SPATA16: variants seen among roughly 807,000 people sequenced by gnomAD.
SPATA16 encodes the protein spermatogenesis-associated protein 16.
In SPATA16, 36 loss-of-function variants were observed where a neutral mutation model predicts 63.3. The ratio of observed to expected loss-of-function variants is 0.57; its 90% CI spans 0.44 to 0.75. The LOEUF (loss-of-function observed/expected upper bound fraction) is 0.75. Among genes scored for constraint, SPATA16 ranks in the 30% least tolerant of loss-of-function variants. The pLI is 0.00. For synonymous variants in SPATA16, 203 were observed against 216.7 expected, an observed-to-expected ratio of 0.94 and a Z score of 0.56; for missense variants, 646 against 679.3, an observed-to-expected ratio of 0.95 and a Z score of 0.54.
intron 3 of SPATA16, among the ~76,000 whole-genome samples, chr3:173,027,997 CCCTCCCTCCCTCCCTCCCTTCCTTCTTT>C (rs1389085774): frequency 1.3e-4 from 8 of 62,966 alleles, no homozygotes; most frequent in African/African-American, 5.8e-4. Context: ...CTCCCTCCCT[CCCTCCCTCCCTCCCTCCCTTCCTTCTTT>C]CCTTCCTTCC....
At chr3:173,015,994 A>G (rs1735178354) in intron 4 of SPATA16, among the ~76,000 whole-genome samples, 1 of 152,112 alleles carries the variant, frequency 6.6e-6, no homozygotes, top group Non-Finnish European at 1.5e-5. Context: ...GATGTTAAAA[A>G]GCTTTGCAAC....
chr3:173,073,136 A>G (rs1366288514), intron 2 of SPATA16, among the ~76,000 whole-genome samples: 1 of 152,254 alleles, frequency 6.6e-6, no homozygotes, highest in African/African-American at 2.4e-5. Context: ...ATTTCTAAGC[A>G]GCAAAGCATT....
At chr3:173,125,399 T>C (rs1240506164) in intron 1 of SPATA16, among the ~76,000 whole-genome samples, 1 of 152,188 alleles carries the variant, frequency 6.6e-6, no homozygotes, top group East Asian at 1.9e-4. Flanking sequence ...ACCTCATTCT[T>C]ACTAAAGACC....
intron 10 of SPATA16, among the ~76,000 whole-genome samples, chr3:172,904,895 A>T (rs986110317): frequency 3.9e-5 from 6 of 152,108 alleles, no homozygotes; most frequent in African/African-American, 1.4e-4. Flanking sequence ...GAACACAATC[A>T]CGAGGCTCTG....
intron 6 of SPATA16, among the ~76,000 whole-genome samples, chr3:172,950,693 C>A (rs954045048): frequency 1.3e-5 from 2 of 151,926 alleles, no homozygotes; most frequent in African/African-American, 4.8e-5. Flanking sequence ...TGAACAAGAA[C>A]AAGGTTATAA....
At chr3:173,021,362 T>A (rs1002253278) in intron 3 of SPATA16, among the ~76,000 whole-genome samples, 2 of 152,228 alleles carry the variant, frequency 1.3e-5, no homozygotes, top group African/African-American at 4.8e-5. Flanking sequence ...TAGACGGGTC[T>A]GAGTTAATGA....
intron 3 of SPATA16, among the ~76,000 whole-genome samples, chr3:173,033,353 A>G (rs1735646585): frequency 1.3e-5 from 2 of 152,128 alleles, no homozygotes; most frequent in South Asian, 4.2e-4. Flanking sequence ...GCTGTTAGTA[A>G]ATCACTTGGT....
rs66806016 is a variant in SPATA16 at position 172,959,787 on chromosome 3, C to CATATATATATATAT, written c.934-2977_934-2964dup. ...GTTGTAAAGAAATAGAGTAATATAA[C>CATATATATATATAT]ATATATATATATATATATATATATA... On this transcript the variant is annotated intron_variant, in intron 5 of 10. Transcript: ENST00000351008. 3.3e-3 allele frequency among the ~76,000 whole-genome samples: 450 copies of CATATATATATATAT among 135,408 alleles called. 5 individuals carry two copies. Among genetic ancestry groups the CATATATATATATAT allele is most frequent in the African/African-American group, 9.5e-3 (327 of 34,242 alleles). The allele number at this position is 135,408 out of a possible 152,430, so 88.8% of individuals were successfully genotyped here. A position where few individuals can be genotyped will look rare whatever the true frequency, so the allele number is the denominator to read the frequency against.
intron 4 of SPATA16, among the ~76,000 whole-genome samples, chr3:172,987,734 T>C (rs1360591987): frequency 6.6e-6 from 1 of 152,142 alleles, no homozygotes; most frequent in Non-Finnish European, 1.5e-5. Context: ...GGAGCCAATA[T>C]AAAATGTAAA....
chr3:172,939,792 T>C (rs1733102826), intron 6 of SPATA16, among the ~76,000 whole-genome samples: 1 of 152,130 alleles, frequency 6.6e-6, no homozygotes, highest in South Asian at 2.1e-4. Flanking sequence ...GAGTATATGC[T>C]AATGAGGTGA....
intron 4 of SPATA16, among the ~76,000 whole-genome samples, chr3:172,982,669 GAC>G (rs1336306651): frequency 6.6e-6 from 1 of 152,076 alleles, no homozygotes; most frequent in East Asian, 1.9e-4. Flanking sequence ...AAAATAATGT[GAC>G]ATGTTATTAT....
chr3:173,059,537 A>AT (rs1278975240), intron 2 of SPATA16, among the ~76,000 whole-genome samples: 1 of 151,554 alleles, frequency 6.6e-6, no homozygotes, highest in Non-Finnish European at 1.5e-5. Context: ...CACAGCTTTT[A>AT]TTTCCAGCTT....
At chr3:172,916,249 C>A (rs529818838) in intron 9 of SPATA16, 68 bp downstream of exon 9, 1,351 of 1,203,592 alleles carry the variant, frequency 1.1e-3, no homozygotes, top group Middle Eastern at 1.3e-3. Flanking sequence ...TTTTTTTTTT[C>A]CCCAGACCAT....
rs1400381032 is a variant in SPATA16, at chr3:173,137,872, CAG to C, written c.-19+3229_-19+3230del. Among the ~76,000 whole-genome samples the C allele has an allele frequency of 2.7e-3, 388 of 143,824 alleles. 2 individuals are homozygous for C. Among genetic ancestry groups the C allele is most frequent in the Non-Finnish European group, 4.3e-3 (276 of 64,226 alleles). The allele number at this position is 143,824 out of a possible 152,430, so 94.4% of individuals were successfully genotyped here. ...ACACACACACACACACACACACACA[CAG>C]ACACACACACGTCTCCCTAAAGAAG... On this transcript the variant is annotated intron_variant, in intron 1 of 10. Coordinates refer to ENST00000351008, the MANE Select transcript of SPATA16 (RefSeq NM_031955.6).
intron 4 of SPATA16, among the ~76,000 whole-genome samples, chr3:173,004,262 G>A (rs553593651): frequency 1.1e-4 from 16 of 152,226 alleles, no homozygotes; most frequent in Middle Eastern, 3.4e-3. Context: ...TGAAGGAAAG[G>A]AAAGAAGGGG....
intron 4 of SPATA16, among the ~76,000 whole-genome samples, chr3:172,977,443 C>G (rs969768127): frequency 1.3e-5 from 2 of 152,058 alleles, no homozygotes; most frequent in Non-Finnish European, 2.9e-5. Flanking sequence ...ATATAGCTAA[C>G]TATTAGATTG....
At chr3:172,925,297 C>T in intron 7 of SPATA16, 49 bp downstream of exon 7, 1 of 1,609,898 alleles carries the variant, frequency 6.2e-7, no homozygotes, top group Non-Finnish European at 8.5e-7. Context: ...GGGCCCAAAA[C>T]TCATCACAGG....
At chr3:173,104,441 T>C (rs1484642388) in intron 2 of SPATA16, among the ~76,000 whole-genome samples, 1 of 152,196 alleles carries the variant, frequency 6.6e-6, no homozygotes, top group East Asian at 1.9e-4. Context: ...TGGCTTACAG[T>C]TCTACAGGAT....
intron 10 of SPATA16, among the ~76,000 whole-genome samples, chr3:172,893,693 GTTGGTGCCCCCTGGCACAGGC>G (rs1481214516): frequency 3.3e-5 from 5 of 152,118 alleles, no homozygotes; most frequent in Admixed American, 2.0e-4. Context: ...TCCCTACTTG[GTTGGTGCCCCCTGGCACAGGC>G]TTAGTGTATA....
Sources: gnomAD v4.1 joint callset for allele counts (sites outside exome capture counted in the v4.1 genomes callset) on GRCh38, gnomAD v4.1.1 for gene constraint, MANE v1.5 for transcripts, NCBI Gene and HGNC (gene_info 2026-07-23, HGNC 2026-07-21) for gene names.